Variants in C13orf42 observed in about 807,000 individuals in gnomAD.
The protein encoded by C13orf42 is chromosome 13 open reading frame 42.
chr13:51,103,746 C>A (rs1411098844), intron 1 of C13orf42, among the ~76,000 whole-genome samples: 1 of 152,108 alleles, frequency 6.6e-6, no homozygotes, highest in African/African-American at 2.4e-5. Context: ...ACAACCCAGA[C>A]AAGCCTTGAA....
chr13:51,092,112 C>T (rs188562483), intron 1 of C13orf42, among the ~76,000 whole-genome samples: 127 of 152,338 alleles, frequency 8.3e-4, no homozygotes, highest in Admixed American at 3.9e-3. Context: ...GCTCAGGAAT[C>T]ATCCCAGTTT....
At chr13:51,167,668 A>C (rs964966285) in intron 1 of C13orf42, among the ~76,000 whole-genome samples, 4 of 152,140 alleles carry the variant, frequency 2.6e-5, no homozygotes, top group Non-Finnish European at 5.9e-5. Flanking sequence ...AATAGCCTTT[A>C]ATTCCATTTT....
upstream of C13orf42, among the ~76,000 whole-genome samples, chr13:51,111,551 T>C (rs1420486622): frequency 6.6e-6 from 1 of 152,200 alleles, no homozygotes; most frequent in African/African-American, 2.4e-5. Context: ...ATGAAGAAAG[T>C]GGGACAGAGC....
intron 1 of C13orf42, among the ~76,000 whole-genome samples, chr13:51,108,606 C>T (rs1419678359): frequency 1.3e-5 from 2 of 152,212 alleles, no homozygotes; most frequent in African/African-American, 4.8e-5. Context: ...AGTCAGTGAA[C>T]GCTGGAGTAA....
chr13:51,093,466 C>G (rs1050659119), intron 1 of C13orf42, among the ~76,000 whole-genome samples: 1 of 152,184 alleles, frequency 6.6e-6, no homozygotes, highest in African/African-American at 2.4e-5. Context: ...GATTGAGGAA[C>G]TGAACTTTTA....
At position 51,135,045 on chromosome 13, in the gene C13orf42, G is replaced by A. The variant is rs1184342511; in HGVS notation, n.137-21823C>T. Among the ~76,000 whole-genome samples, 11 of 152,184 alleles carry A rather than the reference G, an allele frequency of 7.2e-5. No homozygotes were observed. The South Asian group carries it at 8.3e-4, about 11-fold the overall frequency. ...CCTCTCCCACCCCTTGCCTGCCCTG[G>A]GCAAAGCTCACCCAACCTCTTGAAC... On this transcript the variant is annotated intron_variant and non_coding_transcript_variant, in intron 1 of 4. Transcript: ENST00000433280.
intron 1 of C13orf42, among the ~76,000 whole-genome samples, chr13:51,133,725 C>T (rs2138023901): frequency 6.6e-6 from 1 of 152,272 alleles, no homozygotes; most frequent in Middle Eastern, 3.4e-3. Flanking sequence ...AGGTCTGATG[C>T]ACATGGGCCT....
chr13:51,149,600 C>T (rs2138037187), intron 1 of C13orf42, among the ~76,000 whole-genome samples: 1 of 152,240 alleles, frequency 6.6e-6, no homozygotes, highest in South Asian at 2.1e-4. Context: ...CAATGGTAGC[C>T]TGGTTCTCAT....
chr13:51,120,823 G>T (rs1454372106), intron 1 of C13orf42, among the ~76,000 whole-genome samples: 2 of 152,126 alleles, frequency 1.3e-5, no homozygotes, highest in African/African-American at 4.8e-5. Context: ...AGACCAGCCT[G>T]GCCAACATGG....
chr13:51,131,685 G>A (rs983886082), intron 1 of C13orf42, among the ~76,000 whole-genome samples: 1 of 152,128 alleles, frequency 6.6e-6, no homozygotes, highest in Non-Finnish European at 1.5e-5. Flanking sequence ...TTTAAAAAGA[G>A]CTTATGTGAA....
intron 1 of C13orf42, among the ~76,000 whole-genome samples, chr13:51,118,970 C>G (rs1039505250): frequency 3.4e-5 from 5 of 148,712 alleles, no homozygotes; most frequent in Admixed American, 3.3e-4. Flanking sequence ...CCCAGGCATA[C>G]AGCATGCCCT....
intron 1 of C13orf42, among the ~76,000 whole-genome samples, chr13:51,125,909 T>C (rs1039339856): frequency 6.6e-6 from 1 of 152,210 alleles, no homozygotes; most frequent in African/African-American, 2.4e-5. Flanking sequence ...TGGCTGACCA[T>C]GCGAGTCTTC....
chr13:51,104,263 T>C (rs996840669), intron 1 of C13orf42, among the ~76,000 whole-genome samples: 2 of 152,240 alleles, frequency 1.3e-5, no homozygotes, highest in South Asian at 2.1e-4. Flanking sequence ...ATATAAATGA[T>C]AATTTGGAAA....
At chr13:51,170,363 C>G (rs934608352) in intron 1 of C13orf42, among the ~76,000 whole-genome samples, 4 of 152,156 alleles carry the variant, frequency 2.6e-5, no homozygotes, top group Non-Finnish European at 4.4e-5. Context: ...GGAGATCAAT[C>G]CCCTGTCCTC....
chr13:51,099,841 C>T (rs529864444), intron 1 of C13orf42, among the ~76,000 whole-genome samples: 1 of 152,276 alleles, frequency 6.6e-6, no homozygotes, highest in East Asian at 1.9e-4. Flanking sequence ...TTGTTAGCCC[C>T]TTGTAACTCC....
intron 1 of C13orf42, among the ~76,000 whole-genome samples, chr13:51,142,215 G>A (rs1953700969): frequency 6.6e-6 from 1 of 152,186 alleles, no homozygotes; most frequent in Non-Finnish European, 1.5e-5. Context: ...TTTGTTTTGG[G>A]AAAGAACTGT....
chr13:51,116,192 G>C (rs57981325), upstream of C13orf42, among the ~76,000 whole-genome samples: 1 of 152,216 alleles, frequency 6.6e-6, no homozygotes, highest in South Asian at 2.1e-4. Context: ...TTTAGAAGGC[G>C]TGGCCCTAAT....
intron 1 of C13orf42, among the ~76,000 whole-genome samples, chr13:51,127,302 T>C (rs1593544322): frequency 6.6e-6 from 1 of 152,178 alleles, no homozygotes; most frequent in East Asian, 1.9e-4. Flanking sequence ...ATTTACCGAC[T>C]CACTCAATCC....
At position 51,155,819 on chromosome 13, in the gene C13orf42, C is replaced by T. The variant is rs936109080; in HGVS notation, n.136+16434G>A. On this transcript the variant is annotated intron_variant and non_coding_transcript_variant, in intron 1 of 4. Transcript: ENST00000433280. ...GACTCTGGTCAGGCATCACAGGTGA[C>T]CTCAGAGGCGGGGTCTTGTTCACAC... 2.0e-5 allele frequency among the ~76,000 whole-genome samples: 3 copies of T among 152,202 alleles called. No homozygotes were observed. The East Asian group carries it at 5.8e-4, about 29-fold the overall frequency.
Sources: allele counts gnomAD v4.1 joint callset (sites outside exome capture counted in the v4.1 genomes callset), GRCh38; gene constraint gnomAD v4.1.1; transcripts MANE v1.5; gene names NCBI Gene and HGNC (gene_info 2026-07-23, HGNC 2026-07-21).